OPRM1: variants seen among roughly 807,000 people sequenced by gnomAD.
OPRM1 encodes opioid receptor mu 1, also known as mu-type opioid receptor.
A neutral mutation model predicts 31.8 loss-of-function variants in OPRM1; 27 were observed. The ratio of observed to expected loss-of-function variants is 0.85; its 90% CI spans 0.63 to 1.17. The LOEUF is 1.17. OPRM1 is among the 50% of genes most tolerant of loss of function. The probability of loss-of-function intolerance (pLI) is 0.00; values close to 1 mark genes in which losing one functional copy is unlikely to be tolerated. For synonymous variants in OPRM1, 196 were observed against 189.9 expected (o/e 1.03, Z -0.26); for missense variants, 536 against 511.1 (o/e 1.05, Z -0.47).
intron 1 of OPRM1, among the ~76,000 whole-genome samples, chr6:154,017,223 T>A (rs979619732): frequency 2.6e-5 from 4 of 152,196 alleles, no homozygotes; most frequent in Non-Finnish European, 4.4e-5. Flanking sequence ...GTGTTTTTAC[T>A]CTTTTAACTA....
At chr6:154,042,135 AC>A (rs1331451590) in intron 1 of OPRM1, among the ~76,000 whole-genome samples, 2 of 152,158 alleles carry the variant, frequency 1.3e-5, no homozygotes, top group Non-Finnish European at 2.9e-5. Context: ...CCAAACACCC[AC>A]CTGTGGCAGG....
intron 1 of OPRM1, among the ~76,000 whole-genome samples, chr6:154,063,036 A>G (rs1354863048): frequency 1.3e-5 from 2 of 152,042 alleles, no homozygotes; most frequent in African/African-American, 4.8e-5. Flanking sequence ...CAAGTAGTTA[A>G]ATCTCCAGAA....
At chr6:154,202,861 G>A (rs1258984044) in intron 3 of OPRM1, among the ~76,000 whole-genome samples, 3 of 151,814 alleles carry the variant, frequency 2.0e-5, no homozygotes, top group Non-Finnish European at 2.9e-5. Flanking sequence ...AGAATGAAGG[G>A]AAAAAAAGAA....
intron 1 of OPRM1, among the ~76,000 whole-genome samples, chr6:154,071,581 G>C (rs1012757691): frequency 1.3e-5 from 2 of 152,100 alleles, no homozygotes; most frequent in African/African-American, 4.8e-5. Flanking sequence ...TATTGATCTT[G>C]CTACAGCAAG....
intron 3 of OPRM1, among the ~76,000 whole-genome samples, chr6:154,112,625 A>G (rs1796474404): frequency 6.6e-6 from 1 of 152,220 alleles, no homozygotes. Context: ...TAGCTGTAGA[A>G]AGAAATCAGG....
chr6:154,084,502 C>G (rs57029337), intron 1 of OPRM1, among the ~76,000 whole-genome samples: 63 of 152,004 alleles, frequency 4.1e-4, no homozygotes, highest in African/African-American at 1.5e-3. Context: ...GATCAATTAA[C>G]TCAGGTAGAT....
intron 3 of OPRM1, among the ~76,000 whole-genome samples, chr6:154,148,407 T>C (rs960368349): frequency 2.6e-5 from 4 of 152,338 alleles, no homozygotes; most frequent in African/African-American, 7.2e-5. Flanking sequence ...AGGCAAGCCA[T>C]CCAGCAGCAG....
intron 3 of OPRM1, among the ~76,000 whole-genome samples, chr6:154,234,971 C>G (rs545646409): frequency 7.1e-4 from 108 of 152,282 alleles, no homozygotes; most frequent in African/African-American, 2.4e-3. Context: ...TTTAAAACCC[C>G]AAATGTGCTA....
At chr6:154,018,159 C>T (rs1406436443) in intron 1 of OPRM1, among the ~76,000 whole-genome samples, 2 of 152,164 alleles carry the variant, frequency 1.3e-5, no homozygotes, top group Non-Finnish European at 2.9e-5. Flanking sequence ...TGGCTCATGC[C>T]TGTAATCCCA....
At position 154,042,459 on chromosome 6, in the gene OPRM1, C is replaced by T. The variant is rs533392442; in HGVS notation, c.290+2625C>T. The stretch of plus-strand genomic sequence containing the variant: ...ATGCTATTGAATGATCAAGTAGTTG[C>T]AGTTTTCTGATTATATTAAGGTAAT... On this transcript the variant is annotated intron_variant, in intron 1 of 3. Transcript: ENST00000330432. Among the ~76,000 whole-genome samples, 4 of 152,248 alleles carry T rather than the reference C, an allele frequency of 2.6e-5. No individual in the cohort carries two copies. The South Asian group carries it at 8.3e-4, about 32-fold the overall frequency.
intron 3 of OPRM1, among the ~76,000 whole-genome samples, chr6:154,161,941 T>C (rs771601077): frequency 3.4e-4 from 52 of 152,166 alleles, no homozygotes; most frequent in Non-Finnish European, 6.2e-4. Context: ...CAAATGACTA[T>C]TTCAAAACTC....
chr6:154,237,389 G>A (rs141737015), intron 3 of OPRM1, among the ~76,000 whole-genome samples: 46 of 152,284 alleles, frequency 3.0e-4, no homozygotes, highest in African/African-American at 1.0e-3. Flanking sequence ...GTCGGTAGGT[G>A]TATTTTTGGA....
Position 154,039,853 on chromosome 6 carries a change from C to A in OPRM1, c.290+19C>A. ...TTGTCAGGTAAGGAAAGCGCCAGGGCTCCGAGCGGAGGGTTCAGCGGCTTA... is the reference window on the plus strand; with the variant it reads ...TTGTCAGGTAAGGAAAGCGCCAGGGATCCGAGCGGAGGGTTCAGCGGCTTA... On this transcript the variant is annotated intron_variant, in intron 1 of 3. Transcript: ENST00000330432. 1 of 1,556,430 alleles carries A rather than the reference C, an allele frequency of 6.4e-7. No individual in the cohort carries two copies. The highest frequency in any genetic ancestry group is 8.7e-7 in the Non-Finnish European group (1 of 1,154,190).
At chr6:154,111,851 C>T (rs547941539) in intron 3 of OPRM1, among the ~76,000 whole-genome samples, 59 of 152,104 alleles carry the variant, frequency 3.9e-4, no homozygotes, top group African/African-American at 9.9e-4. Flanking sequence ...CTGCAAGCTC[C>T]GCCTCCCGAG....
chr6:154,211,112 G>A (rs1777921843), intron 3 of OPRM1, among the ~76,000 whole-genome samples: 1 of 152,144 alleles, frequency 6.6e-6, no homozygotes, highest in South Asian at 2.1e-4. Flanking sequence ...AGGTGTCATG[G>A]TTCAGTAGAA....
chr6:154,232,876 A>G (rs1241551647), intron 3 of OPRM1, among the ~76,000 whole-genome samples: 1 of 152,154 alleles, frequency 6.6e-6, no homozygotes, highest in Non-Finnish European at 1.5e-5. Flanking sequence ...ATTTATTATT[A>G]TTAGTTCCTA....
At chr6:154,216,062 T>A (rs1160198202) in intron 3 of OPRM1, among the ~76,000 whole-genome samples, 1 of 152,192 alleles carries the variant, frequency 6.6e-6, no homozygotes, top group East Asian at 1.9e-4. Flanking sequence ...GAGCAGGCAA[T>A]TTGATGATAA....
chr6:154,058,327 A>G lies in OPRM1; in HGVS notation c.290+18493A>G, dbSNP rs555123312. Reference sequence around the variant, plus strand: ...TGTTTTTATTCACACATTTGTTTGAAGTTAAGTTGATATTAAAACAGAATA... The same window carrying G: ...TGTTTTTATTCACACATTTGTTTGAGGTTAAGTTGATATTAAAACAGAATA... On this transcript the variant is annotated intron_variant, in intron 1 of 3. Coordinates refer to ENST00000330432, the MANE Select transcript of OPRM1 (RefSeq NM_000914.5). Among the ~76,000 whole-genome samples, 5 of 152,344 alleles carry G rather than the reference A, an allele frequency of 3.3e-5. No homozygotes were observed. The South Asian group carries it at 8.3e-4, about 25-fold the overall frequency.
intron 3 of OPRM1, among the ~76,000 whole-genome samples, chr6:154,178,613 A>AT (rs1800560553): frequency 6.6e-6 from 1 of 152,208 alleles, no homozygotes; most frequent in South Asian, 2.1e-4. Flanking sequence ...TAACAAACAG[A>AT]TAAAGTGAAC....
Sources: gnomAD v4.1 joint callset for allele counts (sites outside exome capture counted in the v4.1 genomes callset) on GRCh38, gnomAD v4.1.1 for gene constraint, MANE v1.5 for transcripts, NCBI Gene and HGNC (gene_info 2026-07-23, HGNC 2026-07-21) for gene names.